Variants in DSCAM observed in about 807,000 individuals in gnomAD.
DSCAM encodes the protein DS cell adhesion molecule.
Under a neutral mutation model 217.7 loss-of-function variants are expected in DSCAM, and 47 were observed. The observed-to-expected ratio is 0.22, with a 90% CI of 0.17 to 0.28. The LOEUF is 0.28. Among genes scored for constraint, DSCAM ranks in the 10% least tolerant of loss-of-function variants. The probability of loss-of-function intolerance (pLI) is 1.00; values close to 1 mark genes in which losing one functional copy is unlikely to be tolerated. For missense variants in DSCAM, 2,080 were observed against 2,618.3 expected, an observed-to-expected ratio of 0.79 and a Z score of 4.49; for synonymous variants, 1,056 against 1,015.3, an observed-to-expected ratio of 1.04 and a Z score of -0.76.
chr21:40,214,715 G>A (rs1464013921), intron 11 of DSCAM, among the ~76,000 whole-genome samples: 12 of 137,864 alleles, frequency 8.7e-5, no homozygotes, highest in African/African-American at 2.5e-4. Flanking sequence ...CAAATAAAAC[G>A]GACTTCAAAG....
chr21:40,519,630 T>C (rs971975811), intron 3 of DSCAM, among the ~76,000 whole-genome samples: 1 of 152,180 alleles, frequency 6.6e-6, no homozygotes, highest in Admixed American at 6.6e-5. Context: ...AAATTTCTAT[T>C]GTTTACAAGC....
intron 28 of DSCAM, among the ~76,000 whole-genome samples, chr21:40,062,425 C>T (rs766689672): frequency 6.6e-5 from 10 of 152,170 alleles, no homozygotes; most frequent in Non-Finnish European, 1.0e-4. Context: ...TGAAGGGTGC[C>T]CTGGTGGAGG....
intron 3 of DSCAM, among the ~76,000 whole-genome samples, chr21:40,538,166 G>A (rs373026596): frequency 6.6e-6 from 1 of 152,082 alleles, no homozygotes. Context: ...CTCTCCCATC[G>A]GTCACTCACT....
At chr21:40,693,295 G>A (rs1244766510) in intron 2 of DSCAM, among the ~76,000 whole-genome samples, 1 of 152,024 alleles carries the variant, frequency 6.6e-6, no homozygotes, top group Non-Finnish European at 1.5e-5. Flanking sequence ...AAATTGCTGG[G>A]CATGGTGGTG....
At chr21:40,448,846 G>A (rs1324621520) in intron 3 of DSCAM, among the ~76,000 whole-genome samples, 1 of 152,022 alleles carries the variant, frequency 6.6e-6, no homozygotes, top group African/African-American at 2.4e-5. Context: ...TTGTTTTCTT[G>A]TTGCTGCTAT....
intron 3 of DSCAM, among the ~76,000 whole-genome samples, chr21:40,639,689 A>ATGTGTG (rs56796261): frequency 0.082 from 12,378 of 150,322 alleles, 594 homozygotes; most frequent in Middle Eastern, 0.16. Context: ...ATGTGTGTGC[A>ATGTGTG]TGTGTGTGTG....
chr21:40,589,741 G>A (rs1227631108), intron 3 of DSCAM, among the ~76,000 whole-genome samples: 2 of 152,206 alleles, frequency 1.3e-5, no homozygotes, highest in African/African-American at 4.8e-5. Flanking sequence ...GAATAGTGAA[G>A]AATGGAGTTT....
At chr21:40,383,893 A>G (rs2075053222) in intron 3 of DSCAM, 1 of 152,238 alleles carries the variant, frequency 6.6e-6, no homozygotes, top group Non-Finnish European at 1.5e-5. Flanking sequence ...TATCATAAAG[A>G]TAGTTCATGA....
chr21:40,456,210 T>C (rs1478699905), intron 3 of DSCAM, among the ~76,000 whole-genome samples: 6 of 152,016 alleles, frequency 3.9e-5, no homozygotes, highest in Non-Finnish European at 7.4e-5. Flanking sequence ...CTAAGAATAG[T>C]TGATATTAAA....
chr21:40,117,001 C>CAAAAAA (rs534100380), intron 20 of DSCAM, among the ~76,000 whole-genome samples: 2 of 33,178 alleles, frequency 6.0e-5, no homozygotes, highest in African/African-American at 2.1e-4. Flanking sequence ...GACTCTGTCT[C>CAAAAAA]AAAAAAAAAA....
chr21:40,152,584 C>T (rs2090435041), intron 16 of DSCAM, among the ~76,000 whole-genome samples: 1 of 152,216 alleles, frequency 6.6e-6, no homozygotes, highest in African/African-American at 2.4e-5. Context: ...TCTCCAGCTT[C>T]CAAATCCCTC....
chr21:40,193,290 G>A (rs1017437294), intron 11 of DSCAM, among the ~76,000 whole-genome samples: 7 of 152,196 alleles, frequency 4.6e-5, no homozygotes, highest in Admixed American at 4.6e-4. Context: ...TGCCATCACA[G>A]AGGAACTGAA....
intron 11 of DSCAM, among the ~76,000 whole-genome samples, chr21:40,207,073 T>C (rs1040735199): frequency 1.3e-5 from 2 of 151,490 alleles, no homozygotes; most frequent in African/African-American, 2.4e-5. Flanking sequence ...GCAATAAACA[T>C]GCAAACAAAT....
At chr21:40,535,770 C>T (rs2837688) in intron 3 of DSCAM, among the ~76,000 whole-genome samples, 44,421 of 151,950 alleles carry the variant, frequency 0.29, 8,638 homozygotes, top group African/African-American at 0.54. Flanking sequence ...TGTAGAGAGA[C>T]GCGGCACCTC....
rs139196441 is a variant in DSCAM at position 40,789,592 on chromosome 21, G to A, written c.43+57027C>T. On this transcript the variant is annotated intron_variant, in intron 1 of 32. Coordinates refer to ENST00000400454, the MANE Select transcript of DSCAM (RefSeq NM_001389.5). ...TTTTTTTGAGATGGAGTCTTGCACT[G>A]TTGCCCAGGCTGGAGTGCAGTGGCA... Among the ~76,000 whole-genome samples the A allele has an allele frequency of 4.2e-3, 568 of 136,450 alleles. 2 individuals carry two copies. Among genetic ancestry groups the A allele is most frequent in the African/African-American group, 0.015 (515 of 34,882 alleles). 89.5% of individuals were successfully genotyped at this position (136,450 alleles called of 152,430 possible).
chr21:40,405,666 A>T (rs1258252149), intron 3 of DSCAM, among the ~76,000 whole-genome samples: 1 of 152,184 alleles, frequency 6.6e-6, no homozygotes, highest in East Asian at 1.9e-4. Flanking sequence ...TAATCTAATT[A>T]AAAAATGGGG....
At chr21:40,170,726 T>C (rs968974066) in intron 15 of DSCAM, among the ~76,000 whole-genome samples, 27 of 152,232 alleles carry the variant, frequency 1.8e-4, no homozygotes, top group Non-Finnish European at 2.5e-4. Flanking sequence ...ATAAAAATCC[T>C]TGAAAAATGA....
chr21:40,438,646 G>A (rs917867964), intron 3 of DSCAM, among the ~76,000 whole-genome samples: 22 of 152,176 alleles, frequency 1.4e-4, no homozygotes, highest in Non-Finnish European at 1.9e-4. Flanking sequence ...AAGCTACCAT[G>A]TTGGCCCGAG....
At chr21:40,628,561 G>A (rs535586862) in intron 3 of DSCAM, among the ~76,000 whole-genome samples, 1 of 152,132 alleles carries the variant, frequency 6.6e-6, no homozygotes, top group Admixed American at 6.5e-5. Context: ...GCAGAGTTAT[G>A]TAGTAATAAC....
Sources: gnomAD v4.1 joint callset for allele counts (sites outside exome capture counted in the v4.1 genomes callset) on GRCh38, gnomAD v4.1.1 for gene constraint, MANE v1.5 for transcripts, NCBI Gene and HGNC (gene_info 2026-07-23, HGNC 2026-07-21) for gene names.